ATAD3C: variants seen among roughly 807,000 people sequenced by gnomAD.
ATAD3C encodes the protein ATPase family AAA domain containing 3C.
A neutral mutation model predicts 46.3 loss-of-function variants in ATAD3C; 38 were observed. The observed-to-expected ratio is 0.82, with a 90% CI of 0.63 to 1.08. ATAD3C has a LOEUF of 1.08. Among genes scored for constraint, ATAD3C ranks in the 50% least tolerant of loss-of-function variants. ATAD3C has a pLI of 0.00. For synonymous variants in ATAD3C, 220 were observed against 236.4 expected, an observed-to-expected ratio of 0.93 and a Z score of 0.63; for missense variants, 563 against 572.7, an observed-to-expected ratio of 0.98 and a Z score of 0.17.
chr1:1,460,961 C>T (rs987589623), intron 10 of ATAD3C, 44 bp downstream of exon 10: 7 of 1,562,260 alleles, frequency 4.5e-6, no homozygotes, highest in Middle Eastern at 1.8e-4. Context: ...GGCCCTCGCT[C>T]AGGGTCCACC....
chr1:1,454,563 G>C (rs373227616), intron 4 of ATAD3C, 63 bp downstream of exon 4: 4 of 1,560,174 alleles, frequency 2.6e-6, no homozygotes, highest in Non-Finnish European at 8.6e-7. Context: ...TCTGCCCCAC[G>C]AGCACAGCCC....
At chr1:1,457,784 T>C (rs1035176786) in intron 8 of ATAD3C, among the ~76,000 whole-genome samples, 1 of 149,652 alleles carries the variant, frequency 6.7e-6, no homozygotes, top group Non-Finnish European at 1.5e-5. Flanking sequence ...TGCAAGCGAT[T>C]CTCCTGCTTC....
At chr1:1,452,172 G>A (rs1369817225) in intron 2 of ATAD3C, 50 bp downstream of exon 2, 3 of 1,604,382 alleles carry the variant, frequency 1.9e-6, no homozygotes, top group Middle Eastern at 1.7e-4. Context: ...CCCCACAGGT[G>A]TGAGTCGCTG....
intron 11 of ATAD3C, among the ~76,000 whole-genome samples, chr1:1,463,139 A>G (rs1470568034): frequency 6.6e-6 from 1 of 151,996 alleles, no homozygotes; most frequent in Non-Finnish European, 1.5e-5. Flanking sequence ...ACGGGCCCAG[A>G]CACATGGGTG....
Position 1,456,233 on chromosome 1 carries a change from C to A in ATAD3C, c.573C>A (p.Ala191=). ...TCACTCTTCTTGTCCAGAAACTCGC[C>A]CTGCACTCAGGCATGGACTACGCCA... ...TGKTLFAKKL[A]LHSGMDYAIM... The change falls in exon 7 of 12, where the codon GCC becomes GCA. Residue 191 remains alanine, a synonymous_variant. Coordinates refer to ENST00000378785, the MANE Select transcript of ATAD3C (RefSeq NM_001039211.3). 1 of 1,495,038 alleles carries A rather than the reference C, an allele frequency of 6.7e-7. No homozygotes were observed. The highest frequency in any genetic ancestry group is 8.7e-7 in the Non-Finnish European group (1 of 1,143,492). The allele number at this position is 1,495,038 out of a possible 1,614,324, so 92.6% of individuals were successfully genotyped here.
At chr1:1,463,200 C>T (rs930020288) in intron 11 of ATAD3C, among the ~76,000 whole-genome samples, 1 of 152,074 alleles carries the variant, frequency 6.6e-6, no homozygotes, top group South Asian at 2.1e-4. Context: ...CAGGGGCACC[C>T]CTCCTGCAGC....
chr1:1,457,784 T>G (rs1035176786), intron 8 of ATAD3C, among the ~76,000 whole-genome samples: 9 of 149,652 alleles, frequency 6.0e-5, no homozygotes, highest in African/African-American at 2.2e-4. Context: ...TGCAAGCGAT[T>G]CTCCTGCTTC....
chr1:1,458,061 C>T (rs950023422), intron 8 of ATAD3C, among the ~76,000 whole-genome samples: 1 of 151,930 alleles, frequency 6.6e-6, no homozygotes, highest in African/African-American at 2.4e-5. Flanking sequence ...TCGCTGCAAC[C>T]TCCGCCTCCT....
Position 1,461,642 on chromosome 1 carries a change from TAGGGA to T in ATAD3C, c.980+726_980+730del, listed in dbSNP as rs1557780479. On this transcript the variant is annotated intron_variant, in intron 10 of 11. Coordinates refer to ENST00000378785, the MANE Select transcript of ATAD3C (RefSeq NM_001039211.3). Reference sequence around the variant, plus strand: ...AGAGTCTCCTCATGAGACCCCCATGTAGGGACTGGAGGGAGAGGCTCCTCATGAGA... The same window carrying T: ...AGAGTCTCCTCATGAGACCCCCATGTCTGGAGGGAGAGGCTCCTCATGAGA... Among the ~76,000 whole-genome samples the T allele has an allele frequency of 1.8e-3, 271 of 150,082 alleles. 6 individuals are homozygous for T. The highest frequency in any genetic ancestry group is 6.4e-3 in the African/African-American group (261 of 40,578).
At position 1,451,993 on chromosome 1, in the gene ATAD3C, G is replaced by A. The variant is rs185554649; in HGVS notation, c.76-53G>A. ...CGGACGCAACCTCTGGATTGGTGTTGAGCATTTTTCTGGTTTTAAAGGCTT... is the reference window on the plus strand; with the variant it reads ...CGGACGCAACCTCTGGATTGGTGTTAAGCATTTTTCTGGTTTTAAAGGCTT... On this transcript the variant is annotated intron_variant, in intron 1 of 11. Transcript: ENST00000378785. 1.3e-3 allele frequency: 2,041 copies of A among 1,604,346 alleles called. 30 individuals carry two copies. The highest frequency in any genetic ancestry group is 1.7e-3 in the Non-Finnish European group (1,968 of 1,174,436).
In ATAD3C at chr1:1,455,857, C is replaced by T. The variant is rs549765303; in HGVS notation, c.505C>T (p.Leu169=). 3.4e-4 allele frequency: 545 copies of T among 1,613,498 alleles called. 6 individuals are homozygous for T. The South Asian group carries it at 5.6e-3, about 16-fold the overall frequency. ...AAGGAACATCAAGAAGAACCGGGGC[C>T]TGTACAGGCACATCCTGCTGTACGG... ...MTRNIKKNRG[L]YRHILLYGPP... The change falls in exon 6 of 12, where the codon CTG becomes TTG. Residue 169 remains leucine, a synonymous_variant. Transcript: ENST00000378785.
intron 1 of ATAD3C, among the ~76,000 whole-genome samples, chr1:1,451,305 G>T (rs958327033): frequency 2.6e-5 from 4 of 151,646 alleles, no homozygotes; most frequent in African/African-American, 9.7e-5. Context: ...CAAAGTGCTG[G>T]GATTACAGGC....
At chr1:1,451,506 T>G (rs1238363963) in intron 1 of ATAD3C, among the ~76,000 whole-genome samples, 2 of 151,898 alleles carry the variant, frequency 1.3e-5, no homozygotes, top group East Asian at 1.9e-4. Flanking sequence ...ACCACCATAC[T>G]CGGCTAATTT....
In ATAD3C at chr1:1,455,650, G is replaced by A. The variant is rs952494530; in HGVS notation, c.438+131G>A. On this transcript the variant is annotated intron_variant, in intron 5 of 11. Transcript: ENST00000378785. Reference sequence around the variant, plus strand: ...GTCCTGAGATGCGACTGCTTGGACCGTGCCGGGGATAGATAGGCTGCCCAC... The same window carrying A: ...GTCCTGAGATGCGACTGCTTGGACCATGCCGGGGATAGATAGGCTGCCCAC... The A allele has an allele frequency of 2.2e-5, 34 of 1,560,784 alleles. No homozygotes were observed. The Middle Eastern group carries it at 5.1e-4, about 24-fold the overall frequency.
Position 1,455,370 on chromosome 1 carries a change from G to A in ATAD3C, c.379-90G>A, listed in dbSNP as rs865867526. The stretch of plus-strand genomic sequence containing the variant: ...CCTGGCTGTGATTCGGGGCAGCTCC[G>A]TTTCTGCGTGTTACCGAGCTTGTGT... On this transcript the variant is annotated intron_variant, in intron 4 of 11. Coordinates refer to ENST00000378785, the MANE Select transcript of ATAD3C (RefSeq NM_001039211.3). 6.0e-5 allele frequency: 93 copies of A among 1,537,898 alleles called. 3 individuals carry two copies. The highest frequency in any genetic ancestry group is 4.6e-4 in the South Asian group (39 of 85,016).
In ATAD3C at chr1:1,468,402, A is replaced by G. The variant is rs1695836; in HGVS notation, c.1108A>G (p.Lys370Glu). ...CCACTAGGCCACGGCGTATGCCTCC[A>G]AGGACGGGGTCCTGACCGAGGCCAT... ...VSWQATAYAS[K>E]DGVLTEAMMD... Residue 370 changes from lysine (K) to glutamate (E), a missense_variant, in exon 12 of 12, where the codon AAG becomes GAG. Transcript: ENST00000378785. 2.2e-4 allele frequency: 352 copies of G among 1,611,612 alleles called. 1 individual carries two copies. The highest frequency in any genetic ancestry group is 9.5e-4 in the African/African-American group (71 of 74,818).
At chr1:1,457,353 G>A (rs1010207096) in intron 8 of ATAD3C, among the ~76,000 whole-genome samples, 173 bp downstream of exon 8, 5 of 151,780 alleles carry the variant, frequency 3.3e-5, no homozygotes, top group Admixed American at 6.6e-5. Flanking sequence ...CCAGCACTTT[G>A]GGAGGCCGAG....
chr1:1,467,203 G>A (rs1290831476), intron 11 of ATAD3C, among the ~76,000 whole-genome samples: 40 of 152,108 alleles, frequency 2.6e-4, no homozygotes, highest in Middle Eastern at 3.4e-3. Flanking sequence ...CGTGCTTCCT[G>A]GAGGGGTGGC....
rs1018331405 is a variant in ATAD3C, at chr1:1,455,662, G to C, written c.439-129G>C. On this transcript the variant is annotated intron_variant, in intron 5 of 11. Transcript: ENST00000378785. Reference sequence around the variant, plus strand: ...GACTGCTTGGACCGTGCCGGGGATAGATAGGCTGCCCACGAGCTGGGTGGC... The same window carrying C: ...GACTGCTTGGACCGTGCCGGGGATACATAGGCTGCCCACGAGCTGGGTGGC... 1.9e-6 allele frequency: 3 copies of C among 1,559,394 alleles called. No homozygotes were observed. The South Asian group carries it at 3.5e-5, about 18-fold the overall frequency.
Sources: gnomAD v4.1 joint callset for allele counts (sites outside exome capture counted in the v4.1 genomes callset) on GRCh38, gnomAD v4.1.1 for gene constraint, MANE v1.5 for transcripts, NCBI Gene and HGNC (gene_info 2026-07-23, HGNC 2026-07-21) for gene names.